FBN2: variants seen among roughly 807,000 people sequenced by gnomAD.
FBN2 encodes the protein fibrillin 2.
In FBN2, 105 loss-of-function variants were observed where a neutral mutation model predicts 355.6. The ratio of observed to expected loss-of-function variants is 0.30; its 90% confidence interval spans 0.25 to 0.35. The LOEUF (loss-of-function observed/expected upper bound fraction) is 0.35, where lower values mean the gene tolerates loss of function less well. Ranked by LOEUF, FBN2 falls within the 10% of genes least tolerant of loss-of-function variation. The probability of loss-of-function intolerance (pLI) is 1.00; values close to 1 mark genes in which losing one functional copy is unlikely to be tolerated. For missense variants in FBN2, 3,280 were observed against 3,758.7 expected, an observed-to-expected ratio of 0.87 and a Z score of 3.33; for synonymous variants, 1,350 against 1,301.2, an observed-to-expected ratio of 1.04 and a Z score of -0.81.
intron 11 of FBN2, among the ~76,000 whole-genome samples, chr5:128,380,398 G>A (rs2126962000): frequency 6.6e-6 from 1 of 152,156 alleles, no homozygotes; most frequent in South Asian, 2.1e-4. Context: ...AAGAACATGA[G>A]AAACCACGCA....
intron 34 of FBN2, chr5:128,328,341 A>C: frequency 1.9e-6 from 1 of 523,452 alleles, no homozygotes; most frequent in South Asian, 2.2e-5. Flanking sequence ...TAAACACAAT[A>C]AATAGTGGTA....
chr5:128,319,452 A>G (rs1336389286), intron 34 of FBN2, among the ~76,000 whole-genome samples: 1 of 149,992 alleles, frequency 6.7e-6, no homozygotes, highest in Non-Finnish European at 1.5e-5. Context: ...TAAATATTGG[A>G]GATATTAAAA....
Position 128,272,485 on chromosome 5 carries a change from T to TATAA in FBN2, c.7841-368_7841-367insTTAT, listed in dbSNP as rs1329583556. 3.1e-3 allele frequency among the ~76,000 whole-genome samples: 464 copies of TATAA among 147,384 alleles called. 1 individual carries two copies. Among genetic ancestry groups the TATAA allele is most frequent in the Non-Finnish European group, 4.7e-3 (318 of 67,082 alleles). On this transcript the variant is annotated intron_variant, in intron 61 of 64. Transcript: ENST00000262464. ...AATCATATATATATATATATATATA[T>TATAA]AAAATATATTTGCATTGCATAGTCC...
Position 128,259,285 on chromosome 5 carries a change from G to C in FBN2, c.*170C>G. ...TGTGCTCAAATCTTTGGCCATACCA[G>C]AGTCTAAATTATCCCTCCCTGTGAG... On this transcript the variant is annotated 3_prime_UTR_variant, in exon 65 of 65. Coordinates refer to ENST00000262464, the MANE Select transcript of FBN2 (RefSeq NM_001999.4). The C allele has an allele frequency of 1.2e-6, 1 of 815,710 alleles. No individual in the cohort carries two copies. The highest frequency in any genetic ancestry group is 1.6e-5 in the South Asian group (1 of 63,752). The allele number at this position is 815,710 out of a possible 1,614,324, so 50.5% of individuals were successfully genotyped here. A position where few individuals can be genotyped will look rare whatever the true frequency, so the allele number is the denominator to read the frequency against.
intron 2 of FBN2, among the ~76,000 whole-genome samples, chr5:128,536,025 A>G (rs560785794): frequency 6.6e-6 from 1 of 152,328 alleles, no homozygotes; most frequent in Non-Finnish European, 1.5e-5. Context: ...CAGAGTTAAA[A>G]GCCTGATAAT....
intron 19 of FBN2, among the ~76,000 whole-genome samples, chr5:128,360,090 C>T (rs964980683): frequency 2.6e-5 from 4 of 152,016 alleles, no homozygotes; most frequent in Non-Finnish European, 4.4e-5. Context: ...TGAGATTTAA[C>T]GGAAGCTTAT....
chr5:128,301,314 A>G, intron 47 of FBN2, 68 bp downstream of exon 47: 1 of 1,298,150 alleles, frequency 7.7e-7, no homozygotes, highest in Non-Finnish European at 1.1e-6. Context: ...AAGTGAAAGG[A>G]GGGAGGCACA....
intron 34 of FBN2, among the ~76,000 whole-genome samples, chr5:128,320,952 T>G (rs1750354236): frequency 6.6e-6 from 1 of 152,128 alleles, no homozygotes; most frequent in African/African-American, 2.4e-5. Flanking sequence ...CTCCTTATTT[T>G]TATTTAATTA....
rs775536478 is a variant in FBN2 at position 128,261,770 on chromosome 5, T to C, written c.8330A>G (p.Gln2777Arg). The C allele has an allele frequency of 1.2e-6, 2 of 1,614,242 alleles. No individual in the cohort carries two copies. Among genetic ancestry groups the C allele is most frequent in the Admixed American group, 1.7e-5 (1 of 60,034 alleles). Residue 2777 changes from glutamine (Q) to arginine (R), a missense_variant, in exon 64 of 65, where the codon CAG (glutamine) becomes CGG (arginine). Gln to Arg is a conservative substitution (Grantham distance 43, BLOSUM62 1). Transcript: ENST00000262464. ...INGYSKKDSR[Q>R]KRSIHEPDPT... is the part of the protein sequence containing the mutation. ...ATCAGGTTCATGAATACTTCTCTTC[T>C]GCCTGCTGTCTTTCTTAGAATAGCC...
At chr5:128,305,683 A>G in intron 43 of FBN2, 47 bp from the exon 44 acceptor site, 1 of 1,608,622 alleles carries the variant, frequency 6.2e-7, no homozygotes, top group Non-Finnish European at 8.5e-7. Flanking sequence ...TTAGTATTGT[A>G]TTAGCATTAC....
intron 1 of FBN2, 60 bp downstream of exon 1, chr5:128,537,290 C>G: frequency 2.5e-6 from 4 of 1,599,820 alleles, no homozygotes; most frequent in Non-Finnish European, 3.4e-6. Context: ...AGCCGCCAAA[C>G]TGAGGATTCC....
At position 128,259,689 on chromosome 5, in the gene FBN2, G is replaced by A. The variant is rs766293825; in HGVS notation, c.8505C>T (p.Val2835=). ...IQPLNNHIRY[V]ISQGNDDSVF... ...CGCTGTCATCGTTCCCTTGAGAGATGACATAACGGATGTGGTTGTTGAGGG... is the reference window on the plus strand; with the variant it reads ...CGCTGTCATCGTTCCCTTGAGAGATAACATAACGGATGTGGTTGTTGAGGG... Residue 2835 remains valine, a synonymous_variant, in exon 65 of 65, where the codon GTC becomes GTT. Coordinates refer to ENST00000262464, the MANE Select transcript of FBN2 (RefSeq NM_001999.4). 3.7e-6 allele frequency: 6 copies of A among 1,613,870 alleles called. No individual in the cohort carries two copies. Among genetic ancestry groups the A allele is most frequent in the Non-Finnish European group, 5.1e-6 (6 of 1,179,994 alleles).
intron 7 of FBN2, among the ~76,000 whole-genome samples, chr5:128,415,128 C>A (rs531829484): frequency 6.6e-6 from 1 of 152,078 alleles, no homozygotes; most frequent in South Asian, 2.1e-4. Context: ...TTTAGTTACA[C>A]GCACAGAATG....
chr5:128,379,914 A>G (rs1358223877), intron 11 of FBN2, among the ~76,000 whole-genome samples: 2 of 152,146 alleles, frequency 1.3e-5, no homozygotes, highest in Non-Finnish European at 2.9e-5. Flanking sequence ...TCACAGGTTT[A>G]CCATTTTAAT....
intron 4 of FBN2, among the ~76,000 whole-genome samples, 196 bp downstream of exon 4, chr5:128,527,676 C>G (rs929497422): frequency 1.3e-5 from 2 of 152,050 alleles, no homozygotes; most frequent in African/African-American, 4.8e-5. Flanking sequence ...AAGAACATCA[C>G]TGCTCTAAAG....
chr5:128,349,522 A>C, intron 22 of FBN2, 50 bp from the exon 23 acceptor site: 1 of 1,602,300 alleles, frequency 6.2e-7, no homozygotes, highest in Non-Finnish European at 8.5e-7. Context: ...CAAATAGAAA[A>C]AGCAGGTGTG....
chr5:128,303,075 C>T lies in FBN2; in HGVS notation c.5815G>A (p.Glu1939Lys), dbSNP rs779671043. 16 of 1,604,932 alleles carry T rather than the reference C, an allele frequency of 1.0e-5. No individual in the cohort carries two copies. The highest frequency in any genetic ancestry group is 2.2e-5 in the East Asian group (1 of 44,796). ...QTMCMDVDECERHPCGNGTCK... is the reference protein window; with the variant it reads ...QTMCMDVDECKRHPCGNGTCK... ...GTTCCATTTCCACATGGATGCCGCT[C>T]GCACTCATCAACATCTATAAAGAAA... The change falls in exon 46 of 65, where the codon GAG becomes AAG. Residue 1939 changes from glutamate (E) to lysine (K), a missense_variant. Physicochemically the swap from Glu to Lys is moderately conservative, Grantham distance 56. Transcript: ENST00000262464.
intron 4 of FBN2, among the ~76,000 whole-genome samples, chr5:128,520,242 G>A (rs1227746479): frequency 1.3e-5 from 2 of 152,122 alleles, no homozygotes; most frequent in South Asian, 2.1e-4. Flanking sequence ...CTGCAACTCG[G>A]TTCAGCCTAA....
At chr5:128,395,330 A>G in intron 8 of FBN2, 56 bp from the exon 9 acceptor site, 1 of 1,584,488 alleles carries the variant, frequency 6.3e-7, no homozygotes, top group Non-Finnish European at 8.7e-7. Context: ...GGTTCTTACA[A>G]CAATCACTGT....
Sources: gnomAD v4.1 joint callset for allele counts (sites outside exome capture counted in the v4.1 genomes callset) on GRCh38, gnomAD v4.1.1 for gene constraint, MANE v1.5 for transcripts, NCBI Gene and HGNC (gene_info 2026-07-23, HGNC 2026-07-21) for gene names.